The following KCNIP4 variants were observed in gnomAD, a reference collection of about 807,000 sequenced individuals.
KCNIP4 encodes the protein potassium voltage-gated channel interacting protein 4.
Under a neutral mutation model 34.0 loss-of-function variants are expected in KCNIP4, and 12 were observed. The ratio of observed to expected loss-of-function variants is 0.35; its 90% confidence interval spans 0.23 to 0.57. The LOEUF is 0.57. Among genes scored for constraint, KCNIP4 ranks in the 20% least tolerant of loss-of-function variants. The pLI is 0.83. For missense variants in KCNIP4, 238 were observed against 311.7 expected (o/e 0.76, Z 1.78); for synonymous variants, 124 against 102.2 (o/e 1.21, Z -1.29).
intron 1 of KCNIP4, among the ~76,000 whole-genome samples, chr4:21,410,817 CTA>C (rs1040404743): frequency 2.6e-5 from 4 of 152,096 alleles, no homozygotes; most frequent in East Asian, 1.9e-4. Context: ...GAAATTTATC[CTA>C]TGTTTTCTGA....
chr4:20,891,107 T>C (rs1410498383), intron 1 of KCNIP4, among the ~76,000 whole-genome samples: 1 of 152,218 alleles, frequency 6.6e-6, no homozygotes, highest in Non-Finnish European at 1.5e-5. Flanking sequence ...GTACAGCAGA[T>C]AGCAAAAACT....
chr4:21,834,739 T>C (rs944123686), intron 1 of KCNIP4, among the ~76,000 whole-genome samples: 4 of 151,714 alleles, frequency 2.6e-5, no homozygotes, highest in African/African-American at 9.7e-5. Flanking sequence ...TTGTCATAGA[T>C]AGCTCTTATT....
rs115829065 is a variant in KCNIP4, at chr4:21,052,865, G to T, written c.62-170156C>A. The stretch of plus-strand genomic sequence containing the variant: ...GGTGCTAGTGTCTGGGGCTGGAAGG[G>T]TGTAGGTTGCTGGTAATTCAGCCAT... On this transcript the variant is annotated intron_variant, in intron 1 of 8. Coordinates refer to ENST00000382152, the MANE Select transcript of KCNIP4 (RefSeq NM_025221.6). Among the ~76,000 whole-genome samples, 1,300 of 152,200 alleles carry T rather than the reference G, an allele frequency of 8.5e-3. 14 individuals carry two copies. Among genetic ancestry groups the T allele is most frequent in the Non-Finnish European group, 0.015 (1,010 of 68,012 alleles).
At chr4:21,112,487 G>A (rs1296545067) in intron 1 of KCNIP4, among the ~76,000 whole-genome samples, 6 of 152,190 alleles carry the variant, frequency 3.9e-5, no homozygotes, top group Non-Finnish European at 8.8e-5. Context: ...CCATTTTGGA[G>A]ATAGTAACAT....
chr4:21,804,450 G>A (rs1721179932), intron 1 of KCNIP4, among the ~76,000 whole-genome samples: 1 of 152,152 alleles, frequency 6.6e-6, no homozygotes, highest in Non-Finnish European at 1.5e-5. Flanking sequence ...CAGCTCAGTT[G>A]ACCACAGAAA....
intron 1 of KCNIP4, among the ~76,000 whole-genome samples, chr4:21,604,516 G>A (rs777137427): frequency 2.0e-5 from 3 of 151,948 alleles, no homozygotes; most frequent in African/African-American, 2.4e-5. Flanking sequence ...TGTTTAACAC[G>A]ATATATTTTG....
At chr4:21,104,102 T>A (rs1002227243) in intron 1 of KCNIP4, among the ~76,000 whole-genome samples, 1 of 152,138 alleles carries the variant, frequency 6.6e-6, no homozygotes, top group Non-Finnish European at 1.5e-5. Flanking sequence ...ATATGCCCAG[T>A]AATGGGATGG....
chr4:21,253,034 A>C (rs78926732), intron 1 of KCNIP4, among the ~76,000 whole-genome samples: 3,290 of 152,262 alleles, frequency 0.022, 83 homozygotes, highest in East Asian at 0.16. Context: ...CAGAAGTAAG[A>C]TTTTACAGAA....
chr4:21,172,289 C>A (rs1429059141), intron 1 of KCNIP4, among the ~76,000 whole-genome samples: 1 of 152,174 alleles, frequency 6.6e-6, no homozygotes, highest in Non-Finnish European at 1.5e-5. Context: ...GCCTTGACCT[C>A]CCAAAGTGCT....
At chr4:21,684,466 G>A (rs962725702) in intron 1 of KCNIP4, among the ~76,000 whole-genome samples, 2 of 151,920 alleles carry the variant, frequency 1.3e-5, no homozygotes, top group African/African-American at 4.8e-5. Context: ...CCTAAAACTA[G>A]GACTTTAACA....
At chr4:21,312,680 TTTTG>T (rs1235187094) in intron 1 of KCNIP4, among the ~76,000 whole-genome samples, 3 of 152,210 alleles carry the variant, frequency 2.0e-5, no homozygotes, top group South Asian at 2.1e-4. Context: ...ATTTAAAGGG[TTTTG>T]TTTGTTTGTT....
At chr4:21,149,455 G>A (rs1752607332) in intron 1 of KCNIP4, among the ~76,000 whole-genome samples, 1 of 152,166 alleles carries the variant, frequency 6.6e-6, no homozygotes, top group South Asian at 2.1e-4. Context: ...AGGGTCTCAA[G>A]TGAAAAAGCT....
At chr4:20,816,280 A>G (rs959404972) in intron 3 of KCNIP4, among the ~76,000 whole-genome samples, 5 of 151,630 alleles carry the variant, frequency 3.3e-5, no homozygotes, top group African/African-American at 1.2e-4. Context: ...ACCTTTAAGT[A>G]GAAGGCAGAG....
intron 1 of KCNIP4, among the ~76,000 whole-genome samples, chr4:21,755,428 T>C (rs1717440035): frequency 6.6e-6 from 1 of 152,206 alleles, no homozygotes. Context: ...CATCTATTAA[T>C]GCCTAAAAAC....
At chr4:21,856,762 G>A (rs1724786826) in intron 1 of KCNIP4, among the ~76,000 whole-genome samples, 1 of 152,070 alleles carries the variant, frequency 6.6e-6, no homozygotes. Context: ...GCACTTGAGG[G>A]TGCCTGCTCC....
chr4:21,381,996 G>C (rs554796067), intron 1 of KCNIP4, among the ~76,000 whole-genome samples: 2 of 152,152 alleles, frequency 1.3e-5, no homozygotes, highest in African/African-American at 4.8e-5. Context: ...AGCTACAGGA[G>C]CCTAAGAAAA....
intron 1 of KCNIP4, among the ~76,000 whole-genome samples, chr4:21,068,591 T>G (rs1487573751): frequency 1.3e-5 from 2 of 152,146 alleles, no homozygotes; most frequent in Non-Finnish European, 2.9e-5. Flanking sequence ...GAATACTTTC[T>G]CTCTCTCTGC....
rs138503257 is a variant in KCNIP4, at chr4:21,206,132, C to T, written c.62-323423G>A. On this transcript the variant is annotated intron_variant, in intron 1 of 8. Transcript: ENST00000382152. ...TAAAGATAACCTTTGCTTCCTGTCG[C>T]GTCTAGATAAGCTTCACTCCATGAC... is the stretch of plus-strand genomic sequence containing the variant. Among the ~76,000 whole-genome samples the T allele has an allele frequency of 5.9e-3, 892 of 152,252 alleles. 14 individuals carry two copies. Among genetic ancestry groups the T allele is most frequent in the African/African-American group, 0.02 (845 of 41,542 alleles).
intron 3 of KCNIP4, among the ~76,000 whole-genome samples, chr4:20,802,629 A>T (rs1714471908): frequency 6.6e-6 from 1 of 152,188 alleles, no homozygotes; most frequent in South Asian, 2.1e-4. Context: ...AAAATTTAAG[A>T]ATATCGAAAT....
Sources: gnomAD v4.1 joint callset for allele counts (sites outside exome capture counted in the v4.1 genomes callset) on GRCh38, gnomAD v4.1.1 for gene constraint, MANE v1.5 for transcripts, NCBI Gene and HGNC (gene_info 2026-07-23, HGNC 2026-07-21) for gene names.